ABLIM2: variants seen among roughly 807,000 people sequenced by gnomAD.
ABLIM2 encodes the protein actin-binding LIM protein 2.
ABLIM2 carries 53 observed loss-of-function variants against 97.7 expected under a neutral mutation model. The observed-to-expected ratio is 0.54, with a 90% CI of 0.44 to 0.68. The LOEUF (loss-of-function observed/expected upper bound fraction) is 0.68. Among genes scored for constraint, ABLIM2 ranks in the 30% least tolerant of loss-of-function variants. The pLI is 0.00. For synonymous variants in ABLIM2, 361 were observed against 345.8 expected, an observed-to-expected ratio of 1.04 and a Z score of -0.49; for missense variants, 835 against 867.2, an observed-to-expected ratio of 0.96 and a Z score of 0.47.
intron 1 of ABLIM2, among the ~76,000 whole-genome samples, chr4:8,131,356 C>T (rs1246034439): frequency 6.6e-6 from 1 of 152,222 alleles, no homozygotes; most frequent in Non-Finnish European, 1.5e-5. Flanking sequence ...ATATAACGCA[C>T]ACTGCTGCGA....
intron 20 of ABLIM2, among the ~76,000 whole-genome samples, chr4:7,973,918 A>T (rs1482750347): frequency 6.6e-6 from 1 of 152,232 alleles, no homozygotes; most frequent in Non-Finnish European, 1.5e-5. Context: ...TGCGGCTCAC[A>T]CTGACAGTCA....
At chr4:8,086,060 A>C (rs960455285) in intron 4 of ABLIM2, among the ~76,000 whole-genome samples, 1 of 152,202 alleles carries the variant, frequency 6.6e-6, no homozygotes, top group African/African-American at 2.4e-5. Flanking sequence ...AAGACTGCAG[A>C]CATCCACGCA....
At chr4:8,034,572 G>GTT (rs1341823488) in intron 10 of ABLIM2, among the ~76,000 whole-genome samples, 1 of 51,778 alleles carries the variant, frequency 1.9e-5, no homozygotes. Context: ...GTAGGTAGGG[G>GTT]CAGGTGGGTG....
intron 5 of ABLIM2, among the ~76,000 whole-genome samples, chr4:8,079,383 G>A (rs1248503093): frequency 2.0e-5 from 3 of 152,198 alleles, no homozygotes; most frequent in South Asian, 2.1e-4. Context: ...CCAACGCTGC[G>A]GGAGGGGCCT....
chr4:8,052,935 G>A (rs1284599269), intron 8 of ABLIM2, among the ~76,000 whole-genome samples: 1 of 152,222 alleles, frequency 6.6e-6, no homozygotes, highest in South Asian at 2.1e-4. Context: ...GTAAGTGGGA[G>A]GCCAGGGGTT....
At chr4:8,117,541 A>C (rs1843333860) in intron 1 of ABLIM2, among the ~76,000 whole-genome samples, 4 of 146,430 alleles carry the variant, frequency 2.7e-5, no homozygotes, top group Non-Finnish European at 3.0e-5. Flanking sequence ...CTCTACTAAG[A>C]CTCCACCCAC....
chr4:8,065,479 A>T (rs1026924719), intron 6 of ABLIM2, among the ~76,000 whole-genome samples: 10 of 152,228 alleles, frequency 6.6e-5, no homozygotes, highest in African/African-American at 2.4e-4. Flanking sequence ...AAGACACAGG[A>T]GCCCTCGTGC....
intron 1 of ABLIM2, among the ~76,000 whole-genome samples, chr4:8,121,491 G>A (rs1056349884): frequency 6.6e-6 from 1 of 152,182 alleles, no homozygotes; most frequent in Admixed American, 6.5e-5. Context: ...GAGGTGTCCC[G>A]GAGGGTCAGG....
At chr4:8,138,218 A>C (rs569731505) in intron 1 of ABLIM2, among the ~76,000 whole-genome samples, 1 of 152,292 alleles carries the variant, frequency 6.6e-6, no homozygotes, top group East Asian at 1.9e-4. Flanking sequence ...GAGATGAAAA[A>C]GGTTCTATGG....
Position 8,095,044 on chromosome 4 carries a change from CCTT to C in ABLIM2, c.338+2052_338+2054del, listed in dbSNP as rs1215331113. ...TCTCCCCCCACTTCTTTCCTTCCTTCCTTCTTTCTTTCTTTCTCTTTCTTTCTT... is the reference window on the plus strand; with the variant it reads ...TCTCCCCCCACTTCTTTCCTTCCTTCCTTTCTTTCTTTCTCTTTCTTTCTT... On this transcript the variant is annotated intron_variant, in intron 3 of 20. Coordinates refer to ENST00000447017, the MANE Select transcript of ABLIM2 (RefSeq NM_001130083.2). The surrounding 1 kb of genome is among the most constrained non-coding windows in gnomAD (Gnocchi z 4.7). Among the ~76,000 whole-genome samples, 108 of 134,794 alleles carry C rather than the reference CCTT, an allele frequency of 8.0e-4. No individual in the cohort carries two copies. Among genetic ancestry groups the C allele is most frequent in the African/African-American group, 2.7e-3 (104 of 37,840 alleles). The allele number at this position is 134,794 out of a possible 152,430, so 88.4% of individuals were successfully genotyped here.
chr4:8,106,953 C>T (rs1837759087), intron 1 of ABLIM2, among the ~76,000 whole-genome samples: 1 of 152,212 alleles, frequency 6.6e-6, no homozygotes, highest in South Asian at 2.1e-4. Flanking sequence ...GGCAATGAGG[C>T]CATCACCTCC....
At chr4:8,010,494 G>A in intron 14 of ABLIM2, 1 of 985,938 alleles carries the variant, frequency 1.0e-6, no homozygotes, top group Non-Finnish European at 1.2e-6. Flanking sequence ...GCACCACCAA[G>A]GACAAGACTG....
chr4:8,132,479 G>A lies in ABLIM2; in HGVS notation c.11-25842C>T, dbSNP rs184564954. On this transcript the variant is annotated intron_variant, in intron 1 of 20. Transcript: ENST00000447017. The surrounding 1 kb of genome is among the most constrained non-coding windows in gnomAD (Gnocchi z 8.0). ...GACCATCCAGTCCCTGGAGAAGGAC[G>A]CCCAGCCCTGGCCTTTCCTGAGCAC... Among the ~76,000 whole-genome samples, 21 of 152,222 alleles carry A rather than the reference G, an allele frequency of 1.4e-4. No individual in the cohort carries two copies. Among genetic ancestry groups the A allele is most frequent in the Admixed American group, 2.6e-4 (4 of 15,296 alleles).
Position 8,001,759 on chromosome 4 carries a change from C to G in ABLIM2, c.1618+6300G>C, listed in dbSNP as rs1757344553. 2.0e-5 allele frequency among the ~76,000 whole-genome samples: 3 copies of G among 152,148 alleles called. No individual in the cohort carries two copies. Among genetic ancestry groups the G allele is most frequent in the African/African-American group, 7.2e-5 (3 of 41,432 alleles). On this transcript the variant is annotated intron_variant, in intron 16 of 20. Transcript: ENST00000447017. This position sits in a 1 kb window ranked among gnomAD's most constrained non-coding sequence, Gnocchi z 4.2. The stretch of plus-strand genomic sequence containing the variant: ...TCTCCCTGGGCTGTCCCTCCACGCC[C>G]TTTCTGCAGGATCAGCCCTGCTGGC...
chr4:7,971,331 G>A (rs1265243672), intron 20 of ABLIM2, among the ~76,000 whole-genome samples: 2 of 152,176 alleles, frequency 1.3e-5, no homozygotes, highest in East Asian at 1.9e-4. Flanking sequence ...CTGCAGGAGT[G>A]CACCTCACCC....
chr4:8,146,861 G>A (rs950598860), intron 1 of ABLIM2, among the ~76,000 whole-genome samples: 5 of 151,806 alleles, frequency 3.3e-5, no homozygotes, highest in African/African-American at 7.3e-5. Flanking sequence ...TTTTAATTTC[G>A]AATACAATAA....
At chr4:8,013,658 A>G (rs2150607953) in intron 14 of ABLIM2, among the ~76,000 whole-genome samples, 1 of 152,352 alleles carries the variant, frequency 6.6e-6, no homozygotes, top group South Asian at 2.1e-4. Context: ...CTGACCCTGA[A>G]GCCAGAGCTG....
intron 14 of ABLIM2, among the ~76,000 whole-genome samples, chr4:8,011,929 G>C (rs972237386): frequency 6.6e-6 from 1 of 152,090 alleles, no homozygotes; most frequent in African/African-American, 2.4e-5. Flanking sequence ...ATTCATATCT[G>C]AACATCCATG....
At chr4:8,016,190 T>G (rs984811177) in intron 14 of ABLIM2, among the ~76,000 whole-genome samples, 4 of 151,948 alleles carry the variant, frequency 2.6e-5, no homozygotes, top group Non-Finnish European at 4.4e-5. Context: ...ATTACAGGCA[T>G]GCACCACCAT....
Sources: gnomAD v4.1 joint callset for allele counts (sites outside exome capture counted in the v4.1 genomes callset) on GRCh38, gnomAD v4.1.1 for gene constraint, Gnocchi (gnomAD v3.1) non-coding constraint, MANE v1.5 for transcripts, NCBI Gene and HGNC (gene_info 2026-07-23, HGNC 2026-07-21) for gene names.